EIF2AK2: variants seen among roughly 807,000 people sequenced by gnomAD.
EIF2AK2 encodes the protein eukaryotic translation initiation factor 2 alpha kinase 2, also known as interferon-induced, double-stranded RNA-activated protein kinase.
A neutral mutation model predicts 70.5 loss-of-function variants in EIF2AK2; 40 were observed. The ratio of observed to expected loss-of-function variants is 0.57; its 90% CI spans 0.44 to 0.74. The LOEUF is 0.74. Among genes scored for constraint, EIF2AK2 ranks in the 30% least tolerant of loss-of-function variants. The pLI is 0.00. For synonymous variants in EIF2AK2, 198 were observed against 220.9 expected, an observed-to-expected ratio of 0.90 and a Z score of 0.92; for missense variants, 555 against 644.3, an observed-to-expected ratio of 0.86 and a Z score of 1.50.
At chr2:37,139,486 C>T (rs1675251982) in intron 6 of EIF2AK2, 145 bp downstream of exon 6, 1 of 1,191,556 alleles carries the variant, frequency 8.4e-7, no homozygotes. Flanking sequence ...CCCCATGGTG[C>T]ATGGCTCATC....
intron 12 of EIF2AK2, among the ~76,000 whole-genome samples, chr2:37,120,632 C>T (rs1351250327): frequency 8.7e-5 from 13 of 149,562 alleles, no homozygotes; most frequent in Non-Finnish European, 1.6e-4. Context: ...CATAAGTTCC[C>T]GGATGTCCAG....
At chr2:37,126,876 G>C (rs1362380564) in intron 10 of EIF2AK2, among the ~76,000 whole-genome samples, 2 of 142,120 alleles carry the variant, frequency 1.4e-5, no homozygotes, top group Non-Finnish European at 3.0e-5. Context: ...AGAATTGCTT[G>C]AATCTGGGAG....
In EIF2AK2 at chr2:37,107,144, A is replaced by C; in HGVS notation, c.*129T>G. On this transcript the variant is annotated 3_prime_UTR_variant, in exon 17 of 17. Transcript: ENST00000233057. Reference sequence around the variant, plus strand: ...ACCTTTCTGTTTCTGCAGAAAGATTAGTAAAAATAGTAAAAAATTAAAGGA... The same window carrying C: ...ACCTTTCTGTTTCTGCAGAAAGATTCGTAAAAATAGTAAAAAATTAAAGGA... 9 of 1,145,204 alleles carry C rather than the reference A, an allele frequency of 7.9e-6. No individual in the cohort carries two copies. Among genetic ancestry groups the C allele is most frequent in the Non-Finnish European group, 9.3e-6 (8 of 860,276 alleles). 70.9% of individuals were successfully genotyped at this position (1,145,204 alleles called of 1,614,324 possible). A position where few individuals can be genotyped will look rare whatever the true frequency, so the allele number is the denominator to read the frequency against.
In EIF2AK2 at chr2:37,100,891, T is replaced by A. The variant is rs552562330; in HGVS notation, c.*6382A>T. The A allele has an allele frequency of 6.6e-6, 1 of 152,342 alleles. No homozygotes were observed. Among genetic ancestry groups the A allele is most frequent in the South Asian group, 2.1e-4 (1 of 4,834 alleles). 9.4% of individuals were successfully genotyped at this position (152,342 alleles called of 1,614,324 possible). On this transcript the variant is annotated 3_prime_UTR_variant, in exon 17 of 17. Coordinates refer to ENST00000233057, the MANE Select transcript of EIF2AK2 (RefSeq NM_001135651.3). ...AAATTACTGAAAACCATGTAACAGGTAAAAGTGTGAGACAAAGTACCCCTC... is the reference window on the plus strand; with the variant it reads ...AAATTACTGAAAACCATGTAACAGGAAAAAGTGTGAGACAAAGTACCCCTC...
chr2:37,136,487 T>C (rs1255556460), intron 9 of EIF2AK2, among the ~76,000 whole-genome samples: 1 of 152,210 alleles, frequency 6.6e-6, no homozygotes, highest in African/African-American at 2.4e-5. Context: ...AAGAACCATG[T>C]TTCTTCAATA....
At chr2:37,138,025 G>C (rs1310163083) in intron 8 of EIF2AK2, among the ~76,000 whole-genome samples, 2 of 150,188 alleles carry the variant, frequency 1.3e-5, no homozygotes, top group Non-Finnish European at 2.9e-5. Flanking sequence ...CAGGAGAATC[G>C]CTTGAACCAG....
At position 37,102,705 on chromosome 2, in the gene EIF2AK2, C is replaced by T. The variant is rs1190408477; in HGVS notation, c.*4568G>A. The T allele has an allele frequency of 1.3e-5, 2 of 152,148 alleles. No homozygotes were observed. The highest frequency in any genetic ancestry group is 2.4e-5 in the African/African-American group (1 of 41,438). The allele number at this position is 152,148 out of a possible 1,614,324, so 9.4% of individuals were successfully genotyped here. A position where few individuals can be genotyped will look rare whatever the true frequency, so the allele number is the denominator to read the frequency against. ...AGACTGTGCTTAGAAGCACCCCACA[C>T]CTAATTTTTGAACGAGGGCCGTACA... On this transcript the variant is annotated 3_prime_UTR_variant, in exon 17 of 17. Coordinates refer to ENST00000233057, the MANE Select transcript of EIF2AK2 (RefSeq NM_001135651.3).
intron 14 of EIF2AK2, among the ~76,000 whole-genome samples, chr2:37,109,856 A>G (rs1316972935): frequency 1.3e-5 from 2 of 152,228 alleles, no homozygotes; most frequent in Admixed American, 1.3e-4. Context: ...ATGAAGGTCA[A>G]AAACGGGAAG....
rs1673867862 is a variant in EIF2AK2 at position 37,103,184 on chromosome 2, A to G, written c.*4089T>C. 1 of 151,730 alleles carries G rather than the reference A, an allele frequency of 6.6e-6. No homozygotes were observed. The highest frequency in any genetic ancestry group is 6.6e-5 in the Admixed American group (1 of 15,204). 9.4% of individuals were successfully genotyped at this position (151,730 alleles called of 1,614,324 possible). A position where few individuals can be genotyped will look rare whatever the true frequency, so the allele number is the denominator to read the frequency against. On this transcript the variant is annotated 3_prime_UTR_variant, in exon 17 of 17. Transcript: ENST00000233057. ...ATTCATTTAATAAGAGTAGGAATATATATATCTTTTTTTTTCTTTTTTTTT... is the reference window on the plus strand; with the variant it reads ...ATTCATTTAATAAGAGTAGGAATATGTATATCTTTTTTTTTCTTTTTTTTT...
In EIF2AK2 at chr2:37,138,557, A is replaced by G. The variant is rs1483168750; in HGVS notation, c.545T>C (p.Phe182Ser). Residue 182 changes from phenylalanine (F) to serine (S), a missense_variant, in exon 7 of 17, where the codon TTT (phenylalanine) becomes TCT (serine). Transcript: ENST00000233057. Reference protein sequence around the residue: ...VKSDYLSSGSFATTCESQSNS... With the variant: ...VKSDYLSSGSSATTCESQSNS... ...GCTTTGGGACTCACACGTAGTAGCAAAAGAACCAGAGGACAGGTAGTCAGA... is the reference window on the plus strand; with the variant it reads ...GCTTTGGGACTCACACGTAGTAGCAGAAGAACCAGAGGACAGGTAGTCAGA... 1 of 1,614,050 alleles carries G rather than the reference A, an allele frequency of 6.2e-7. No homozygotes were observed. Among genetic ancestry groups the G allele is most frequent in the African/African-American group, 1.3e-5 (1 of 74,948 alleles).
At position 37,138,286 on chromosome 2, in the gene EIF2AK2, C is replaced by T. The variant is rs368648580; in HGVS notation, c.671G>A (p.Ser224Asn). ...ATACGATACCATAAGCAACGAAGAA[C>T]TGTTTAAACTGTCACTGTTAGAATT... The part of the protein sequence containing the change: ...EINSNSDSLN[S>N]SSLLMNGLRN... Residue 224 changes from serine to asparagine, a missense_variant, in exon 8 of 17, where the codon AGT becomes AAT. Coordinates refer to ENST00000233057, the MANE Select transcript of EIF2AK2 (RefSeq NM_001135651.3). The T allele has an allele frequency of 6.2e-6, 10 of 1,612,900 alleles. No individual in the cohort carries two copies. In the African/African-American group the frequency reaches 1.2e-4, roughly 19 times the overall value.
intron 1 of EIF2AK2, among the ~76,000 whole-genome samples, chr2:37,151,624 A>C (rs1344363994): frequency 2.6e-5 from 4 of 152,236 alleles, no homozygotes; most frequent in African/African-American, 7.2e-5. Flanking sequence ...TTCCAAACAA[A>C]GACTTAGACA....
intron 10 of EIF2AK2, among the ~76,000 whole-genome samples, chr2:37,132,168 G>A (rs11690823): frequency 0.94 from 142,783 of 152,186 alleles, 67,661 homozygotes; most frequent in East Asian, 1. Flanking sequence ...CAATTCTCTA[G>A]TATCTATTTC....
chr2:37,108,508 C>T (rs1674038786), intron 15 of EIF2AK2, among the ~76,000 whole-genome samples: 1 of 152,198 alleles, frequency 6.6e-6, no homozygotes, highest in African/African-American at 2.4e-5. Flanking sequence ...TCCTAAAATG[C>T]TTATGGCATT....
At chr2:37,119,385 A>G (rs1460602588) in intron 13 of EIF2AK2, among the ~76,000 whole-genome samples, 3 of 152,140 alleles carry the variant, frequency 2.0e-5, no homozygotes, top group African/African-American at 7.2e-5. Context: ...CTAAAGCAAC[A>G]GTCAACAGAG....
At chr2:37,152,223 G>A (rs946155185) in intron 1 of EIF2AK2, among the ~76,000 whole-genome samples, 3 of 152,224 alleles carry the variant, frequency 2.0e-5, no homozygotes, top group African/African-American at 7.2e-5. Context: ...ATCAGATCCT[G>A]TAAACCTCTT....
chr2:37,150,832 C>G (rs1052167638), intron 1 of EIF2AK2, among the ~76,000 whole-genome samples: 1 of 152,086 alleles, frequency 6.6e-6, no homozygotes, highest in African/African-American at 2.4e-5. Context: ...AAAAATCTCC[C>G]CTCTGAATTT....
chr2:37,153,532 C>G (rs547503746), intron 1 of EIF2AK2, among the ~76,000 whole-genome samples: 1 of 151,924 alleles, frequency 6.6e-6, no homozygotes, highest in Admixed American at 6.6e-5. Flanking sequence ...TCTCTTCTGT[C>G]TCTGTAAATT....
chr2:37,146,756 G>C, intron 4 of EIF2AK2, 97 bp downstream of exon 4: 2 of 1,445,254 alleles, frequency 1.4e-6, no homozygotes, highest in Non-Finnish European at 9.3e-7. Context: ...GGGAACGTGT[G>C]AATGGCTTTA....
Sources: gnomAD v4.1 joint callset for allele counts (sites outside exome capture counted in the v4.1 genomes callset) on GRCh38, gnomAD v4.1.1 for gene constraint, MANE v1.5 for transcripts, NCBI Gene and HGNC (gene_info 2026-07-23, HGNC 2026-07-21) for gene names.